Variants in RIDA observed in about 807,000 individuals in gnomAD.
The protein encoded by RIDA is reactive intermediate imine deaminase A, also known as 2-iminobutanoate/2-iminopropanoate deaminase.
In RIDA, 17 loss-of-function variants were observed where a neutral mutation model predicts 17.8. That is an observed-to-expected ratio of 0.96 (90% CI 0.65 to 1.43). RIDA has a LOEUF of 1.43. Among genes scored for constraint, RIDA ranks in the 40% most tolerant of loss-of-function variants. The pLI is 0.00. For missense variants in RIDA, 158 were observed against 161.7 expected, an observed-to-expected ratio of 0.98 and a Z score of 0.12; for synonymous variants, 48 against 55.7, an observed-to-expected ratio of 0.86 and a Z score of 0.62.
chr8:98,108,513 T>G, intron 2 of RIDA, 133 bp downstream of exon 2: 7 of 622,506 alleles, frequency 1.1e-5, no homozygotes, highest in Non-Finnish European at 2.0e-5. Flanking sequence ...CTATGTTAAA[T>G]CAAGCAGTAA....
rs991172389 is a variant in RIDA, at chr8:98,104,533, T to C, written c.307A>G (p.Asn103Asp). The stretch of plus-strand genomic sequence containing the variant: ...TGGTAAGCAGCTCTAGCAGGAAAAT[T>C]ACTCTTGAAATCTGAATTTAAAAGA... The part of the protein sequence containing the change: ...NEIYKQYFKS[N>D]FPARAAYQVA... The change falls in exon 5 of 6, where the codon AAT becomes GAT. Residue 103 changes from asparagine to aspartate, a missense_variant. Asn to Asp is a conservative substitution (Grantham distance 23). Transcript: ENST00000254878. 3.8e-6 allele frequency: 6 copies of C among 1,585,934 alleles called. No individual in the cohort carries two copies. Among genetic ancestry groups the C allele is most frequent in the South Asian group, 2.2e-5 (2 of 89,984 alleles).
At chr8:98,113,098 T>A (rs1350119122) in intron 1 of RIDA, among the ~76,000 whole-genome samples, 1 of 152,234 alleles carries the variant, frequency 6.6e-6, no homozygotes, top group Admixed American at 6.5e-5. Context: ...AGCATTCTAA[T>A]AATTCTCACA....
chr8:98,111,379 G>A (rs548189408), intron 1 of RIDA, among the ~76,000 whole-genome samples: 3 of 152,118 alleles, frequency 2.0e-5, no homozygotes, highest in East Asian at 1.9e-4. Flanking sequence ...AGGCTGAGGC[G>A]GGCAGACCAC....
chr8:98,117,008 C>A, intron 1 of RIDA, 24 bp downstream of exon 1: 1 of 1,606,238 alleles, frequency 6.2e-7, no homozygotes, highest in African/African-American at 1.3e-5. Context: ...CTGGGTCCGA[C>A]ACAGCTTCCA....
At chr8:98,115,064 T>C (rs1268654610) in intron 1 of RIDA, among the ~76,000 whole-genome samples, 1 of 152,096 alleles carries the variant, frequency 6.6e-6, no homozygotes, top group Non-Finnish European at 1.5e-5. Flanking sequence ...GGGACTATAA[T>C]ATAACCATGC....
intron 1 of RIDA, among the ~76,000 whole-genome samples, chr8:98,108,987 ACC>A (rs1366317403): frequency 6.6e-6 from 1 of 152,068 alleles, no homozygotes; most frequent in Non-Finnish European, 1.5e-5. Flanking sequence ...ATCGCTTGGG[ACC>A]AGGAGTTTGA....
chr8:98,116,205 C>T (rs1172579613), intron 1 of RIDA, among the ~76,000 whole-genome samples: 1 of 152,222 alleles, frequency 6.6e-6, no homozygotes. Flanking sequence ...CTTCCTAAAT[C>T]TTCTTTTTCC....
At chr8:98,112,363 C>G (rs776590257) in intron 1 of RIDA, among the ~76,000 whole-genome samples, 1 of 152,166 alleles carries the variant, frequency 6.6e-6, no homozygotes, top group Admixed American at 6.5e-5. Flanking sequence ...ATCTTAGACT[C>G]TAAACTCCTT....
At chr8:98,106,223 G>T in intron 3 of RIDA, 49 bp downstream of exon 3, 1 of 1,560,806 alleles carries the variant, frequency 6.4e-7, no homozygotes, top group South Asian at 1.1e-5. Context: ...TTTTCAAAAA[G>T]ACCAAAGAAA....
At chr8:98,105,907 T>G (rs755118025) in intron 4 of RIDA, 31 bp downstream of exon 4, 2 of 1,375,650 alleles carry the variant, frequency 1.5e-6, no homozygotes, top group South Asian at 2.3e-5. Context: ...TTTTTAAAAA[T>G]GGAAAATAGG....
At chr8:98,109,465 T>TAA (rs371384858) in intron 1 of RIDA, among the ~76,000 whole-genome samples, 28 of 152,332 alleles carry the variant, frequency 1.8e-4, no homozygotes, top group Middle Eastern at 3.4e-3. Flanking sequence ...ACATCACTGA[T>TAA]AAAGTAAGCA....
chr8:98,102,598 G>A lies in RIDA; in HGVS notation c.*244C>T. On this transcript the variant is annotated 3_prime_UTR_variant, in exon 6 of 6. Coordinates refer to ENST00000254878, the MANE Select transcript of RIDA (RefSeq NM_005836.3). ...TGTTTACTGAGTAACTATGTAATGG[G>A]TATCTCTTTCCTATATTCAGTAATA... is the stretch of plus-strand genomic sequence containing the variant. 1 of 332,108 alleles carries A rather than the reference G, an allele frequency of 3.0e-6. No individual in the cohort carries two copies. The highest frequency in any genetic ancestry group is 1.1e-4 in the South Asian group (1 of 8,728). The allele number at this position is 332,108 out of a possible 1,614,324, so 20.6% of individuals were successfully genotyped here. A position where few individuals can be genotyped will look rare whatever the true frequency, so the allele number is the denominator to read the frequency against.
intron 2 of RIDA, among the ~76,000 whole-genome samples, chr8:98,106,939 T>C (rs1207038521): frequency 3.3e-5 from 5 of 152,184 alleles, no homozygotes; most frequent in African/African-American, 4.8e-5. Context: ...AAAAAGCATA[T>C]ACCGTGTAAA....
At position 98,117,053 on chromosome 8, in the gene RIDA, G is replaced by A. The variant is rs1215824995; in HGVS notation, c.44C>T (p.Pro15Leu). The A allele has an allele frequency of 3.1e-6, 5 of 1,614,114 alleles. No individual in the cohort carries two copies. The highest frequency in any genetic ancestry group is 4.2e-6 in the Non-Finnish European group (5 of 1,179,910). Residue 15 changes from proline to leucine, a missense_variant, in exon 1 of 6, where the codon CCA (proline) becomes CTA (leucine). Pro to Leu is a moderately conservative substitution (Grantham distance 98). Coordinates refer to ENST00000254878, the MANE Select transcript of RIDA (RefSeq NM_005836.3). Reference protein sequence around the residue: ...IRRVISTAKAPGAIGPYSQAV... With the variant: ...IRRVISTAKALGAIGPYSQAV... ...TTACCTGTAGGGTCCAATGGCCCCT[G>A]GGGCTTTCGCGGTGCTGATCACCCT...
intron 4 of RIDA, among the ~76,000 whole-genome samples, chr8:98,105,034 GCTCA>G (rs753722150): frequency 6.7e-6 from 1 of 148,560 alleles, no homozygotes; most frequent in African/African-American, 2.5e-5. Flanking sequence ...TAAAAAAGAG[GCTCA>G]CTATCAGATT....
intron 1 of RIDA, among the ~76,000 whole-genome samples, chr8:98,110,491 C>T (rs1815711538): frequency 6.6e-6 from 1 of 152,102 alleles, no homozygotes; most frequent in Admixed American, 6.6e-5. Flanking sequence ...AACTCCTGAC[C>T]TCAGGTGATC....
At chr8:98,106,592 CA>C in intron 2 of RIDA, 1 of 358,374 alleles carries the variant, frequency 2.8e-6, no homozygotes, top group Non-Finnish European at 5.1e-6. Context: ...ATTGTTCAGC[CA>C]ATGTCCACAG....
intron 1 of RIDA, among the ~76,000 whole-genome samples, chr8:98,112,546 C>G (rs910444729): frequency 6.6e-6 from 1 of 152,212 alleles, no homozygotes; most frequent in South Asian, 2.1e-4. Flanking sequence ...TGTTGACTTA[C>G]AGCAAATGCT....
chr8:98,112,410 G>A (rs1261825137), intron 1 of RIDA, among the ~76,000 whole-genome samples: 24 of 152,198 alleles, frequency 1.6e-4, no homozygotes, highest in Non-Finnish European at 5.9e-5. Context: ...CTCTGTAGCT[G>A]TGTAGGGTGT....
Sources: gnomAD v4.1 joint callset for allele counts (sites outside exome capture counted in the v4.1 genomes callset) on GRCh38, gnomAD v4.1.1 for gene constraint, MANE v1.5 for transcripts, NCBI Gene and HGNC (gene_info 2026-07-23, HGNC 2026-07-21) for gene names.